ADD2: variants seen among roughly 807,000 people sequenced by gnomAD.
ADD2 encodes beta-adducin.
In ADD2, 23 loss-of-function variants were observed where a neutral mutation model predicts 83.0. The observed-to-expected ratio is 0.28, with a 90% confidence interval of 0.20 to 0.39. The LOEUF (loss-of-function observed/expected upper bound fraction) is 0.39. Among genes scored for constraint, ADD2 ranks in the 10% least tolerant of loss-of-function variants. The pLI is 1.00. For synonymous variants in ADD2, 375 were observed against 375.4 expected (o/e 1.00, Z 0.01); for missense variants, 758 against 944.9 (o/e 0.80, Z 2.59).
rs559951391 is a variant in ADD2, at chr2:70,763,945, T to C, written c.-154+3941A>G. Among the ~76,000 whole-genome samples, 5 of 151,490 alleles carry C rather than the reference T, an allele frequency of 3.3e-5. No individual in the cohort carries two copies. The South Asian group carries it at 8.3e-4, about 25-fold the overall frequency. ...CTCTGTTGCCCAGGCTGGAGTGCAG[T>C]GGTGTGATCTCGGCTCACTGCAACC... On this transcript the variant is annotated intron_variant, in intron 1 of 15. Coordinates refer to ENST00000264436, the MANE Select transcript of ADD2 (RefSeq NM_001617.4).
chr2:70,700,693 T>C lies in ADD2; in HGVS notation c.322+3628A>G, dbSNP rs575385249. ...ATCTATGAATAAACAAATATCTAGA[T>C]TGGTCAATAAAGAGAAAGCAAAAAT... On this transcript the variant is annotated intron_variant, in intron 4 of 15. Transcript: ENST00000264436. 1.1e-4 allele frequency among the ~76,000 whole-genome samples: 17 copies of C among 152,170 alleles called. No homozygotes were observed. The East Asian group carries it at 1.7e-3, about 16-fold the overall frequency.
At chr2:70,678,643 C>T in intron 11 of ADD2, 61 bp downstream of exon 11, 2 of 1,504,894 alleles carry the variant, frequency 1.3e-6, no homozygotes, top group Non-Finnish European at 8.9e-7. Context: ...TTTAAAAATG[C>T]TTCACCCTGC....
In ADD2 at chr2:70,663,667, C is replaced by A. The variant is rs782770233; in HGVS notation, c.1939G>T (p.Val647Leu). 2 of 1,614,150 alleles carry A rather than the reference C, an allele frequency of 1.2e-6. No individual in the cohort carries two copies. The highest frequency in any genetic ancestry group is 1.7e-6 in the Non-Finnish European group (2 of 1,180,032). ...TEPETTQPEG[V>L]VVNGREEEQT... is the part of the protein sequence containing the mutation. ...TCCTCCTCCCTCCCGTTGACCACCACCCCTTCCGGCTGGGTTGTTTCGGGC... is the reference window on the plus strand; with the variant it reads ...TCCTCCTCCCTCCCGTTGACCACCAACCCTTCCGGCTGGGTTGTTTCGGGC... The change falls in exon 16 of 16, where the codon GTG (valine) becomes TTG (leucine). Residue 647 changes from valine (V) to leucine (L), a missense_variant. This residue lies in a region of ADD2 where 165 missense variants were observed against 176.2 expected (regional missense o/e 0.94). Coordinates refer to ENST00000264436, the MANE Select transcript of ADD2 (RefSeq NM_001617.4).
intron 4 of ADD2, 58 bp downstream of exon 4, chr2:70,704,263 T>TGGGGCCCC: frequency 2.2e-6 from 2 of 913,238 alleles, no homozygotes; most frequent in Non-Finnish European, 1.7e-6. Flanking sequence ...CTCCCTCTCT[T>TGGGGCCCC]CCCCACCCCA....
intron 1 of ADD2, among the ~76,000 whole-genome samples, chr2:70,758,264 T>C (rs1674902616): frequency 6.6e-6 from 1 of 152,252 alleles, no homozygotes; most frequent in African/African-American, 2.4e-5. Context: ...TTTTACATCT[T>C]TTCTCCATGC....
At chr2:70,711,390 C>A (rs938910424) in intron 2 of ADD2, 2 of 152,068 alleles carry the variant, frequency 1.3e-5, no homozygotes, top group Admixed American at 1.3e-4. Context: ...CCAGAAAACC[C>A]AAGCACATGA....
At chr2:70,674,989 T>C (rs2104216370) in intron 13 of ADD2, 164 bp from the exon 14 acceptor site, 1 of 1,334,176 alleles carries the variant, frequency 7.5e-7, no homozygotes, top group Non-Finnish European at 9.7e-7. Context: ...GGATTGTTCT[T>C]TCCTCCCCAT....
chr2:70,751,784 G>A (rs1674517529), intron 1 of ADD2, among the ~76,000 whole-genome samples: 1 of 152,112 alleles, frequency 6.6e-6, no homozygotes, highest in Non-Finnish European at 1.5e-5. Flanking sequence ...ATCATACACT[G>A]TAACTGTGAT....
At chr2:70,696,170 G>A in intron 5 of ADD2, 75 bp downstream of exon 5, 1 of 1,542,400 alleles carries the variant, frequency 6.5e-7, no homozygotes, top group Non-Finnish European at 8.8e-7. Flanking sequence ...GCCATGCCAA[G>A]GGTCAGGAGT....
Position 70,660,310 on chromosome 2 carries a change from G to A in ADD2, c.*3115C>T, listed in dbSNP as rs2104118563. ...CTCCTTGTTGAAAATCCCTCTTAAGGTGCTTTATCCAAAGACTTTTATGGA... is the reference window on the plus strand; with the variant it reads ...CTCCTTGTTGAAAATCCCTCTTAAGATGCTTTATCCAAAGACTTTTATGGA... On this transcript the variant is annotated 3_prime_UTR_variant, in exon 16 of 16. Coordinates refer to ENST00000264436, the MANE Select transcript of ADD2 (RefSeq NM_001617.4). 2 of 152,218 alleles carry A rather than the reference G, an allele frequency of 1.3e-5. No individual in the cohort carries two copies. Among genetic ancestry groups the A allele is most frequent in the Middle Eastern group, 6.8e-3 (2 of 294 alleles). 9.4% of individuals were successfully genotyped at this position (152,218 alleles called of 1,614,324 possible). A position where few individuals can be genotyped will look rare whatever the true frequency, so the allele number is the denominator to read the frequency against.
At chr2:70,689,835 C>G (rs1219914921) in intron 8 of ADD2, among the ~76,000 whole-genome samples, 13 of 152,144 alleles carry the variant, frequency 8.5e-5, no homozygotes, top group African/African-American at 2.9e-4. Context: ...TTCCATTTTT[C>G]TCTTGCAAGC....
chr2:70,701,000 A>G (rs1215291260), intron 4 of ADD2, among the ~76,000 whole-genome samples: 3 of 152,062 alleles, frequency 2.0e-5, no homozygotes, highest in African/African-American at 7.2e-5. Flanking sequence ...GAGATTTCCT[A>G]TCTTATTTAA....
Position 70,706,186 on chromosome 2 carries a change from GC to G in ADD2, c.183+39del. On this transcript the variant is annotated intron_variant, in intron 3 of 15. Coordinates refer to ENST00000264436, the MANE Select transcript of ADD2 (RefSeq NM_001617.4). This position sits in a 1 kb window ranked among gnomAD's most constrained non-coding sequence, Gnocchi z 5.0. ...TGGGTACACGTCCTGAAGAGCCAGC[GC>G]CCCCTGCGCCCTCTCCCGCCCGGGT... 1 of 1,598,888 alleles carries G rather than the reference GC, an allele frequency of 6.3e-7. No homozygotes were observed. The highest frequency in any genetic ancestry group is 8.5e-7 in the Non-Finnish European group (1 of 1,170,126).
chr2:70,762,269 C>T (rs1241439127), intron 1 of ADD2, among the ~76,000 whole-genome samples: 1 of 151,772 alleles, frequency 6.6e-6, no homozygotes. Flanking sequence ...ATGAGCATCA[C>T]ACCAGGGAAA....
intron 9 of ADD2, among the ~76,000 whole-genome samples, chr2:70,684,301 G>A (rs1372380080): frequency 1.3e-5 from 2 of 152,144 alleles, no homozygotes; most frequent in African/African-American, 4.8e-5. Flanking sequence ...AGGCTGGAGG[G>A]CAGTGGCACA....
chr2:70,741,672 G>A (rs1673918383), intron 1 of ADD2, among the ~76,000 whole-genome samples: 1 of 152,210 alleles, frequency 6.6e-6, no homozygotes, highest in Admixed American at 6.5e-5. Context: ...GCAGTCACCA[G>A]CAATTTCCAG....
chr2:70,676,819 T>C lies in ADD2; in HGVS notation c.1570A>G (p.Ile524Val), dbSNP rs1553368407. 6.2e-7 allele frequency: 1 copy of C among 1,614,196 alleles called. No individual in the cohort carries two copies. The highest frequency in any genetic ancestry group is 1.7e-5 in the Admixed American group (1 of 60,026). ...GPQSQLLASV[I>V]AEKSRSPSTE... ...ACCGGGCTTCGGCTCTTCTCGGCAATGACGCTCGCCAGGAGCTGGGACTGA... is the reference window on the plus strand; with the variant it reads ...ACCGGGCTTCGGCTCTTCTCGGCAACGACGCTCGCCAGGAGCTGGGACTGA... Residue 524 changes from isoleucine to valine, a missense_variant, in exon 13 of 16, where the codon ATT becomes GTT. Physicochemically the swap from Ile to Val is conservative, Grantham distance 29. Around this residue, in one of 5 missense-constraint regions of ADD2, gnomAD observed 394 missense variants for 509.3 expected, o/e 0.77. Transcript: ENST00000264436. This position sits in a 1 kb window ranked among gnomAD's most constrained non-coding sequence, Gnocchi z 4.8.
rs1363905645 is a variant in ADD2 at position 70,659,243 on chromosome 2, T to G, written c.*4182A>C. The G allele has an allele frequency of 4.0e-5, 6 of 151,440 alleles. No individual in the cohort carries two copies. The highest frequency in any genetic ancestry group is 7.4e-5 in the Non-Finnish European group (5 of 67,880). 9.4% of individuals were successfully genotyped at this position (151,440 alleles called of 1,614,324 possible). A position where few individuals can be genotyped will look rare whatever the true frequency, so the allele number is the denominator to read the frequency against. The stretch of plus-strand genomic sequence containing the variant: ...TGTGTTTACCCTCCACATACCTTCA[T>G]GGAAAAATTGAAAATTATTTTTAGA... On this transcript the variant is annotated 3_prime_UTR_variant, in exon 16 of 16. Transcript: ENST00000264436.
At chr2:70,672,839 C>A (rs1553367353) in intron 15 of ADD2, 39 bp downstream of exon 15, 2 of 1,576,262 alleles carry the variant, frequency 1.3e-6, no homozygotes, top group Admixed American at 1.9e-5. Context: ...TGCAGATGCA[C>A]CCCTCTCCCT....
Sources: gnomAD v4.1 joint callset for allele counts (sites outside exome capture counted in the v4.1 genomes callset) on GRCh38, gnomAD v4.1.1 for gene constraint, gnomAD v4.1.1 regional missense constraint, Gnocchi (gnomAD v3.1) non-coding constraint, MANE v1.5 for transcripts, NCBI Gene and HGNC (gene_info 2026-07-23, HGNC 2026-07-21) for gene names.